Variants in NRP2 observed in about 807,000 individuals in gnomAD.
NRP2 encodes the protein neuropilin-2.
Under a neutral mutation model 110.4 loss-of-function variants are expected in NRP2, and 52 were observed. The ratio of observed to expected loss-of-function variants is 0.47; its 90% CI spans 0.38 to 0.59. NRP2 has a LOEUF of 0.59. Among genes scored for constraint, NRP2 ranks in the 20% least tolerant of loss-of-function variants. The probability of loss-of-function intolerance (pLI) is 0.00; values close to 1 mark genes in which losing one functional copy is unlikely to be tolerated. For missense variants in NRP2, 1,049 were observed against 1,203.0 expected (o/e 0.87, Z 1.89); for synonymous variants, 508 against 468.9 (o/e 1.08, Z -1.08).
rs1159986257 is a variant in NRP2, at chr2:205,723,936, A to G, written c.816A>G (p.Leu272=). 2 of 1,613,868 alleles carry G rather than the reference A, an allele frequency of 1.2e-6. No individual in the cohort carries two copies. The highest frequency in any genetic ancestry group is 1.3e-5 in the African/African-American group (1 of 75,012). The change falls in exon 5 of 17, where the codon CTA becomes CTG. Residue 272 remains leucine (L), a synonymous_variant. Transcript: ENST00000357785. ...ARYYLVHQEP[L]ENFQCNVPLG... is the part of the protein sequence containing the mutation. ...ACTACCTGGTCCACCAAGAGCCACT[A>G]GAGAGTGAGTTGGCCGATTGGGAAC... is the stretch of plus-strand genomic sequence containing the variant.
Position 205,722,709 on chromosome 2 carries a change from G to A in NRP2, c.664+1G>A, listed in dbSNP as rs2057045559. ...GACATCTGGGATGGCATTCCACATG[G>A]TGAGTGATGTCATGAGGCATTCCTC... On this transcript the variant is annotated splice_donor_variant, in intron 4 of 16. Coordinates refer to ENST00000357785, the MANE Select transcript of NRP2 (RefSeq NM_003872.3). LOFTEE classifies it high-confidence loss of function. 6.2e-7 allele frequency: 1 copy of A among 1,611,680 alleles called. No homozygotes were observed. The highest frequency in any genetic ancestry group is 8.5e-7 in the Non-Finnish European group (1 of 1,177,774).
At chr2:205,691,955 A>C (rs1055200019) in intron 1 of NRP2, among the ~76,000 whole-genome samples, 1 of 152,220 alleles carries the variant, frequency 6.6e-6, no homozygotes, top group African/African-American at 2.4e-5. Flanking sequence ...ATCTAGATTG[A>C]GGGGAGAGAT....
intron 7 of NRP2, among the ~76,000 whole-genome samples, chr2:205,734,146 C>T (rs926474871): frequency 2.0e-5 from 3 of 151,070 alleles, no homozygotes; most frequent in South Asian, 4.2e-4. Flanking sequence ...GGCATCCCTA[C>T]CTTCTCTTAA....
chr2:205,750,600 G>A (rs1424799112), intron 11 of NRP2, among the ~76,000 whole-genome samples: 1 of 152,162 alleles, frequency 6.6e-6, no homozygotes, highest in African/African-American at 2.4e-5. Context: ...AAATCATACT[G>A]CTAAAGTCAC....
chr2:205,700,981 C>T, intron 2 of NRP2: 1 of 292,934 alleles, frequency 3.4e-6, no homozygotes, highest in East Asian at 9.8e-5. Flanking sequence ...CCACTTTATT[C>T]CCTGTGGAGT....
intron 15 of NRP2, among the ~76,000 whole-genome samples, chr2:205,772,108 A>C (rs1261337179): frequency 6.6e-6 from 1 of 152,136 alleles, no homozygotes; most frequent in African/African-American, 2.4e-5. Context: ...CCTTCTCCAC[A>C]ATTATCCTCC....
chr2:205,740,533 C>A lies in NRP2; in HGVS notation c.1161C>A (p.Asn387Lys). Residue 387 changes from asparagine (N) to lysine (K), a missense_variant, in exon 8 of 17, where the codon AAC becomes AAA. Asn to Lys is a moderately conservative substitution (Grantham distance 94, BLOSUM62 0). Transcript: ENST00000357785. ...HGKNHKVFQA[N>K]NDATEVVLNK... ...TTACGCTACAGGTATTTCAAGCCAACAACGATGCAACTGAGGTGGTTCTGA... is the reference window on the plus strand; with the variant it reads ...TTACGCTACAGGTATTTCAAGCCAAAAACGATGCAACTGAGGTGGTTCTGA... The A allele has an allele frequency of 1.2e-6, 2 of 1,614,248 alleles. No individual in the cohort carries two copies. Among genetic ancestry groups the A allele is most frequent in the Non-Finnish European group, 8.5e-7 (1 of 1,180,048 alleles).
rs144430402 is a variant in NRP2 at position 205,776,517 on chromosome 2, G to A, written c.2425+9714G>A. The A allele has an allele frequency of 2.8e-4, 418 of 1,466,878 alleles. 1 individual carries two copies. Among genetic ancestry groups the A allele is most frequent in the South Asian group, 4.3e-4 (37 of 87,010 alleles). The allele number at this position is 1,466,878 out of a possible 1,614,324, so 90.9% of individuals were successfully genotyped here. Reference sequence around the variant, plus strand: ...TTAAGCTAGAGCAAGACCGTGGCTCGCACTGCTGAGGGCCGAAGCAAGAAC... The same window carrying A: ...TTAAGCTAGAGCAAGACCGTGGCTCACACTGCTGAGGGCCGAAGCAAGAAC... On this transcript the variant is annotated intron_variant, in intron 15 of 16. Transcript: ENST00000357785.
At chr2:205,767,598 C>T in intron 15 of NRP2, 1 of 312,306 alleles carries the variant, frequency 3.2e-6, no homozygotes, top group African/African-American at 2.2e-5. Flanking sequence ...AAAAGGCCTC[C>T]AGCCTTGGGT....
At chr2:205,766,843 T>C (rs1346073438) in intron 15 of NRP2, 40 bp downstream of exon 15, 5 of 1,581,816 alleles carry the variant, frequency 3.2e-6, no homozygotes, top group Non-Finnish European at 3.5e-6. Context: ...TTTTTTTGCA[T>C]GCTTTTTCCT....
intron 2 of NRP2, among the ~76,000 whole-genome samples, chr2:205,711,511 A>G (rs1334264844): frequency 1.3e-5 from 2 of 152,178 alleles, no homozygotes; most frequent in Non-Finnish European, 2.9e-5. Flanking sequence ...GAAAGCACCA[A>G]TGAGGAGTAC....
At chr2:205,741,104 G>A (rs1055298409) in intron 8 of NRP2, among the ~76,000 whole-genome samples, 1 of 152,184 alleles carries the variant, frequency 6.6e-6, no homozygotes. Flanking sequence ...TCAACCGGGG[G>A]CCAAGAGCTG....
intron 10 of NRP2, among the ~76,000 whole-genome samples, chr2:205,747,591 C>CGGATT (rs1455309587): frequency 6.6e-6 from 1 of 152,168 alleles, no homozygotes; most frequent in East Asian, 1.9e-4. Context: ...ACCTATTCGA[C>CGGATT]GGATTCCACA....
At position 205,763,241 on chromosome 2, in the gene NRP2, C is replaced by T. The variant is rs571981929; in HGVS notation, c.2045-433C>T. Among the ~76,000 whole-genome samples the T allele has an allele frequency of 4.6e-5, 7 of 152,092 alleles. No individual in the cohort carries two copies. Among genetic ancestry groups the T allele is most frequent in the Non-Finnish European group, 1.0e-4 (7 of 68,020 alleles). On this transcript the variant is annotated intron_variant, in intron 12 of 16. Transcript: ENST00000357785. This position sits in a 1 kb window ranked among gnomAD's most constrained non-coding sequence, Gnocchi z 4.0. Reference sequence around the variant, plus strand: ...TAGTCACCCTCCAATCTAGCAGCCCCCCACCCCCTATAATCTGTCCCCTTG... The same window carrying T: ...TAGTCACCCTCCAATCTAGCAGCCCTCCACCCCCTATAATCTGTCCCCTTG...
chr2:205,697,418 G>A, intron 1 of NRP2, 126 bp from the exon 2 acceptor site: 1 of 918,006 alleles, frequency 1.1e-6, no homozygotes, highest in South Asian at 1.3e-5. Flanking sequence ...TTAGTCTTCT[G>A]GACTGCCATA....
At chr2:205,791,893 G>A (rs1441809807) in intron 15 of NRP2, among the ~76,000 whole-genome samples, 2 of 152,148 alleles carry the variant, frequency 1.3e-5, no homozygotes, top group African/African-American at 2.4e-5. Context: ...CCCAGTAAAG[G>A]CAGCTGCTGT....
At chr2:205,707,696 G>A (rs1559316101) in intron 2 of NRP2, among the ~76,000 whole-genome samples, 1 of 152,206 alleles carries the variant, frequency 6.6e-6, no homozygotes, top group Non-Finnish European at 1.5e-5. Flanking sequence ...ATTCCCTGGT[G>A]CCCAGTACAC....
At chr2:205,737,524 G>GT (rs1311157679) in intron 7 of NRP2, among the ~76,000 whole-genome samples, 1 of 152,178 alleles carries the variant, frequency 6.6e-6, no homozygotes, top group African/African-American at 2.4e-5. Context: ...TTGTGTGTGT[G>GT]TGTTGTTTTT....
In NRP2 at chr2:205,743,505, G is replaced by A. The variant is rs753140405; in HGVS notation, c.1594G>A (p.Gly532Ser). 6.1e-5 allele frequency: 98 copies of A among 1,614,060 alleles called. No individual in the cohort carries two copies. Among genetic ancestry groups the A allele is most frequent in the Middle Eastern group, 1.6e-4 (1 of 6,084 alleles). Residue 532 changes from glycine to serine, a missense_variant, in exon 9 of 17, where the codon GGC becomes AGC. By Grantham distance (56) the Gly-to-Ser change is moderately conservative. Coordinates refer to ENST00000357785, the MANE Select transcript of NRP2 (RefSeq NM_003872.3). ...RKFKVSYSLNGKDWEYIQDPR... is the reference protein window; with the variant it reads ...RKFKVSYSLNSKDWEYIQDPR... ...GTTCAAAGTCTCCTACAGCCTAAAC[G>A]GCAAGGACTGGGAATACATTCAGGA...
Sources: allele counts gnomAD v4.1 joint callset (sites outside exome capture counted in the v4.1 genomes callset), GRCh38; gene constraint gnomAD v4.1.1; non-coding constraint Gnocchi (gnomAD v3.1); transcripts MANE v1.5; gene names NCBI Gene and HGNC (gene_info 2026-07-23, HGNC 2026-07-21).